Variants in SYNM observed in about 807,000 individuals in gnomAD.
SYNM encodes the protein synemin, also known as desmuslin.
SYNM carries 95 observed loss-of-function variants against 104.0 expected under a neutral mutation model. The observed-to-expected ratio is 0.91, with a 90% CI of 0.77 to 1.08. The LOEUF (loss-of-function observed/expected upper bound fraction) is 1.08, where lower values mean the gene tolerates loss of function less well. Among genes scored for constraint, SYNM ranks in the 50% least tolerant of loss-of-function variants. The probability of loss-of-function intolerance (pLI) is 0.00; values close to 1 mark genes in which losing one functional copy is unlikely to be tolerated. For missense variants in SYNM, 2,150 were observed against 2,052.2 expected, an observed-to-expected ratio of 1.05 and a Z score of -0.92; for synonymous variants, 918 against 869.0, an observed-to-expected ratio of 1.06 and a Z score of -0.99.
At chr15:99,139,675 G>A, downstream of SYNM, 2 of 1,406,904 alleles carry the variant, frequency 1.4e-6, no homozygotes, top group Non-Finnish European at 1.9e-6. Context: ...TAAAAATAAA[G>A]GCAAGAACCT....
downstream of SYNM, chr15:99,138,181 G>A (rs572149667): frequency 2.5e-4 from 400 of 1,598,420 alleles, 1 homozygote; most frequent in Non-Finnish European, 3.0e-4. Flanking sequence ...CCCCCACACC[G>A]TTCCCATCCA....
chr15:99,115,725 G>C (rs559895232), intron 2 of SYNM, among the ~76,000 whole-genome samples: 2 of 152,314 alleles, frequency 1.3e-5, no homozygotes, highest in East Asian at 3.9e-4. Context: ...CCGCCACAAA[G>C]TGCTGAGATT....
rs1390921462 is a variant in SYNM, at chr15:99,130,448, T to G, written c.2088T>G (p.Val696=). ...IVVESKLTED[V]DVSDEAGLDY... is the part of the protein sequence containing the mutation. ...TGGAGTCTAAACTGACTGAGGATGT[T>G]GATGTTTCCGATGAAGCTGGCCTGG... is the stretch of plus-strand genomic sequence containing the variant. The change falls in exon 4 of 4, where the codon GTT becomes GTG. Residue 696 remains valine, a synonymous_variant. Transcript: ENST00000336292. The G allele has an allele frequency of 2.4e-5, 38 of 1,613,762 alleles. No homozygotes were observed. Among genetic ancestry groups the G allele is most frequent in the Non-Finnish European group, 3.1e-5 (36 of 1,179,908 alleles).
At position 99,131,020 on chromosome 15, in the gene SYNM, T is replaced by A; in HGVS notation, c.2660T>A (p.Val887Asp). The change falls in exon 4 of 4, where the codon GTT becomes GAT. Residue 887 changes from valine to aspartate, a missense_variant. Transcript: ENST00000336292. This position sits in a 1 kb window ranked among gnomAD's most constrained non-coding sequence, Gnocchi z 4.3. ...AAGGACGGTGCAGTGGGCGAGAAGG[T>A]TGTGAAGCCCTTGGATGTCCCAGCG... ...TQKDGAVGEK[V>D]VKPLDVPAPS... is the part of the protein sequence containing the mutation. The A allele has an allele frequency of 6.2e-7, 1 of 1,612,562 alleles. No homozygotes were observed. Among genetic ancestry groups the A allele is most frequent in the South Asian group, 1.1e-5 (1 of 90,826 alleles).
Position 99,129,840 on chromosome 15 carries a change from G to A in SYNM, c.1480G>A (p.Val494Ile), listed in dbSNP as rs548127820. Reference sequence around the variant, plus strand: ...AAGCACACGGTCAAATGAGAGGACCGTCATTCTGGGAAAGAAAACAGAAGT... The same window carrying A: ...AAGCACACGGTCAAATGAGAGGACCATCATTCTGGGAAAGAAAACAGAAGT... ...SESTRSNERT[V>I]ILGKKTEVKA... is the part of the protein sequence containing the mutation. The change falls in exon 4 of 4, where the codon GTC (valine) becomes ATC (isoleucine). Residue 494 changes from valine to isoleucine, a missense_variant. Val to Ile is a conservative substitution (Grantham distance 29). Coordinates refer to ENST00000336292, the MANE Select transcript of SYNM (RefSeq NM_145728.3). 25 of 1,613,590 alleles carry A rather than the reference G, an allele frequency of 1.5e-5. No individual in the cohort carries two copies. The highest frequency in any genetic ancestry group is 1.2e-4 in the Admixed American group (7 of 59,968).
At position 99,105,155 on chromosome 15, in the gene SYNM, C is replaced by T; in HGVS notation, c.-45C>T. 1.3e-6 allele frequency: 2 copies of T among 1,549,812 alleles called. No homozygotes were observed. The highest frequency in any genetic ancestry group is 8.7e-7 in the Non-Finnish European group (1 of 1,153,328). ...GGACGAGACCGGGACAAGACCAGGG[C>T]AGGAGGGAGCCGGCCAGCCGCGAGA... On this transcript the variant is annotated 5_prime_UTR_variant, in exon 1 of 4. Transcript: ENST00000336292.
intron 3 of SYNM, among the ~76,000 whole-genome samples, chr15:99,128,338 G>A (rs1488919112): frequency 6.6e-6 from 1 of 152,216 alleles, no homozygotes; most frequent in Non-Finnish European, 1.5e-5. Context: ...CATGTTTCTT[G>A]TTGAATCTTA....
intron 1 of SYNM, among the ~76,000 whole-genome samples, chr15:99,108,259 G>A (rs991178145): frequency 6.6e-5 from 10 of 152,080 alleles, no homozygotes; most frequent in African/African-American, 2.2e-4. Context: ...ACAGGTGTGA[G>A]CCATGTGCCC....
intron 2 of SYNM, among the ~76,000 whole-genome samples, chr15:99,119,162 C>T (rs782455841): frequency 7.9e-5 from 12 of 152,168 alleles, no homozygotes; most frequent in Non-Finnish European, 1.3e-4. Context: ...GCGAATCTCC[C>T]GGCCCTCAAG....
At chr15:99,137,765 T>G (rs2067708211), downstream of SYNM, 1 of 533,488 alleles carries the variant, frequency 1.9e-6, no homozygotes. Context: ...AAATTCTTGT[T>G]GGCAAGAAAA....
intron 1 of SYNM, among the ~76,000 whole-genome samples, chr15:99,112,833 C>T (rs2067311664): frequency 6.6e-6 from 1 of 152,220 alleles, no homozygotes; most frequent in Admixed American, 6.5e-5. Flanking sequence ...TCCTCAGCCT[C>T]CTGAGTAGCT....
chr15:99,132,915 C>G lies in SYNM; in HGVS notation c.4555C>G (p.Gln1519Glu), dbSNP rs1302803883. Reference sequence around the variant, plus strand: ...GGAAGGAGACCAGGCCCACAGAGAACAGGGCAAGGAGCAGGCCATGTTTGA... The same window carrying G: ...GGAAGGAGACCAGGCCCACAGAGAAGAGGGCAAGGAGCAGGCCATGTTTGA... ...AGEGDQAHREQGKEQAMFDKK... is the reference protein window; with the variant it reads ...AGEGDQAHREEGKEQAMFDKK... Residue 1519 changes from glutamine to glutamate, a missense_variant, in exon 4 of 4, where the codon CAG (glutamine) becomes GAG (glutamate). Transcript: ENST00000336292. 4.3e-6 allele frequency: 7 copies of G among 1,613,804 alleles called. No homozygotes were observed. Among genetic ancestry groups the G allele is most frequent in the East Asian group, 2.2e-5 (1 of 44,866 alleles).
At chr15:99,112,046 CCAAA>C (rs1313052554) in intron 1 of SYNM, among the ~76,000 whole-genome samples, 4 of 152,268 alleles carry the variant, frequency 2.6e-5, no homozygotes, top group African/African-American at 9.6e-5. Context: ...GAGACTGTCT[CCAAA>C]AACAAACAAA....
rs781798465 is a variant in SYNM at position 99,131,371 on chromosome 15, A to G, written c.3011A>G (p.Asn1004Ser). The part of the protein sequence containing the change: ...GSSVTLVAEV[N>S]VSQTVDADRL... ...TCCGTGACCCTGGTTGCTGAAGTCA[A>G]CGTCTCACAAACTGTGGATGCCGAT... Residue 1004 changes from asparagine to serine, a missense_variant, in exon 4 of 4, where the codon AAC becomes AGC. Coordinates refer to ENST00000336292, the MANE Select transcript of SYNM (RefSeq NM_145728.3). This position sits in a 1 kb window ranked among gnomAD's most constrained non-coding sequence, Gnocchi z 4.3. 3.1e-6 allele frequency: 5 copies of G among 1,613,208 alleles called. No homozygotes were observed. Among genetic ancestry groups the G allele is most frequent in the African/African-American group, 1.3e-5 (1 of 74,912 alleles).
rs782020624 is a variant in SYNM at position 99,131,654 on chromosome 15, A to G, written c.3294A>G (p.Pro1098=). The G allele has an allele frequency of 3.2e-5, 51 of 1,611,844 alleles. No homozygotes were observed. Among genetic ancestry groups the G allele is most frequent in the Middle Eastern group, 3.3e-4 (2 of 6,080 alleles). ...CGGGACAGCGCACTCCCCAGGGCCC[A>G]GTGTCGGCCACTGTGGAGGTCAGCA... ...HSSGQRTPQG[P]VSATVEVSSP... The change falls in exon 4 of 4, where the codon CCA becomes CCG. Residue 1098 remains proline (P), a synonymous_variant. Transcript: ENST00000336292. This position sits in a 1 kb window ranked among gnomAD's most constrained non-coding sequence, Gnocchi z 4.3.
At chr15:99,106,137 A>G (rs918729555) in intron 1 of SYNM, 128 bp downstream of exon 1, 24 of 1,048,072 alleles carry the variant, frequency 2.3e-5, no homozygotes, top group Non-Finnish European at 2.8e-5. Flanking sequence ...GGGCCCGCCC[A>G]GAGGGTGCCC....
chr15:99,127,447 A>G (rs1418990006), intron 3 of SYNM, among the ~76,000 whole-genome samples: 4 of 152,234 alleles, frequency 2.6e-5, no homozygotes, highest in Admixed American at 6.5e-5. Context: ...TTAAAGCCCT[A>G]TAGAATCTTG....
intron 1 of SYNM, 138 bp downstream of exon 1, chr15:99,106,147 C>G (rs1317690742): frequency 4.2e-5 from 40 of 956,516 alleles, no homozygotes; most frequent in Non-Finnish European, 5.4e-5. Context: ...AGAGGGTGCC[C>G]GAATGGCATG....
intron 1 of SYNM, among the ~76,000 whole-genome samples, chr15:99,106,229 C>T (rs1596114361): frequency 1.3e-5 from 2 of 152,196 alleles, no homozygotes; most frequent in South Asian, 2.1e-4. Flanking sequence ...TAGCGGATAG[C>T]CCCGTCCTCG....
Sources: gnomAD v4.1 joint callset for allele counts (sites outside exome capture counted in the v4.1 genomes callset) on GRCh38, gnomAD v4.1.1 for gene constraint, Gnocchi (gnomAD v3.1) non-coding constraint, MANE v1.5 for transcripts, NCBI Gene and HGNC (gene_info 2026-07-23, HGNC 2026-07-21) for gene names.